Variants in MANBA observed in about 807,000 individuals in gnomAD.
MANBA encodes mannosidase beta, also known as beta-mannosidase.
A neutral mutation model predicts 111.1 loss-of-function variants in MANBA; 83 were observed. The ratio of observed to expected loss-of-function variants is 0.75; its 90% CI spans 0.63 to 0.90. The LOEUF is 0.90. Ranked by LOEUF, MANBA falls within the 40% of genes least tolerant of loss-of-function variation. The pLI, the probability that MANBA is intolerant of heterozygous loss-of-function variation, is 0.00. For synonymous variants in MANBA, 370 were observed against 378.7 expected (o/e 0.98, Z 0.27); for missense variants, 1,036 against 1,069.0 (o/e 0.97, Z 0.43).
intron 11 of MANBA, among the ~76,000 whole-genome samples, chr4:102,658,152 G>C (rs1329743481): frequency 1.3e-5 from 2 of 152,136 alleles, no homozygotes; most frequent in Non-Finnish European, 2.9e-5. Flanking sequence ...TTTCAATCAT[G>C]TTTTGCCTCC....
chr4:102,709,400 A>G (rs928450151), intron 5 of MANBA, among the ~76,000 whole-genome samples: 1 of 98,572 alleles, frequency 1.0e-5, no homozygotes, highest in African/African-American at 3.4e-5. Context: ...GAAAGAAAGA[A>G]AAAAAAGAAA....
rs1164983686 is a variant in MANBA, at chr4:102,632,196, C to G, written c.2501G>C (p.Ser834Thr). The G allele has an allele frequency of 6.2e-7, 1 of 1,613,134 alleles. No individual in the cohort carries two copies. Among genetic ancestry groups the G allele is most frequent in the East Asian group, 2.2e-5 (1 of 44,884 alleles). The part of the protein sequence containing the change: ...VAPFVWLDVG[S>T]IPGRFSDNGF... ...ATTGTCACTAAATCTCCCTGGGATGCTTCCTACATCCAACCAAACAAAGGG... is the reference window on the plus strand; with the variant it reads ...ATTGTCACTAAATCTCCCTGGGATGGTTCCTACATCCAACCAAACAAAGGG... The change falls in exon 17 of 17, where the codon AGC becomes ACC. Residue 834 changes from serine (S) to threonine (T), a missense_variant. Coordinates refer to ENST00000647097, the MANE Select transcript of MANBA (RefSeq NM_005908.4).
At chr4:102,678,897 G>A (rs1234128097) in intron 7 of MANBA, among the ~76,000 whole-genome samples, 2 of 152,178 alleles carry the variant, frequency 1.3e-5, no homozygotes, top group African/African-American at 4.8e-5. Flanking sequence ...ACCCAAGGCT[G>A]CTTCTCAGCT....
At chr4:102,707,061 T>C (rs1004634024) in intron 5 of MANBA, among the ~76,000 whole-genome samples, 12 of 152,170 alleles carry the variant, frequency 7.9e-5, no homozygotes, top group African/African-American at 2.4e-4. Flanking sequence ...ATTTAATATC[T>C]AGATAAAAAA....
intron 1 of MANBA, among the ~76,000 whole-genome samples, chr4:102,754,423 T>C (rs991619490): frequency 1.3e-5 from 2 of 152,170 alleles, no homozygotes; most frequent in Non-Finnish European, 2.9e-5. Flanking sequence ...AAGTAACAGA[T>C]TATAACTGAT....
chr4:102,669,009 G>C lies in MANBA; in HGVS notation c.1271C>G (p.Thr424Ser), dbSNP rs771979420. 4 of 1,613,664 alleles carry C rather than the reference G, an allele frequency of 2.5e-6. No homozygotes were observed. In the African/African-American group the frequency reaches 4.0e-5, roughly 16 times the overall value. ...DFMFACALYPTDQGFLDSVTA... is the reference protein window; with the variant it reads ...DFMFACALYPSDQGFLDSVTA... ...CACTGAATCCAGGAAGCCCTGATCA[G>C]TTGGATAAAGGGCACAGGCAAACAT... is the stretch of plus-strand genomic sequence containing the variant. Residue 424 changes from threonine (T) to serine (S), a missense_variant, in exon 10 of 17, where the codon ACT (threonine) becomes AGT (serine). Physicochemically the swap from Thr to Ser is moderately conservative, Grantham distance 58. Transcript: ENST00000647097.
chr4:102,638,702 C>T lies in MANBA; in HGVS notation c.2014+1011G>A, dbSNP rs190736698. The stretch of plus-strand genomic sequence containing the variant: ...CAGAAGGATTTTCCCCCCAATTCTA[C>T]CCCTGATTCTCATTCAATGCTCTCT... On this transcript the variant is annotated intron_variant, in intron 14 of 16. Transcript: ENST00000647097. 3.3e-5 allele frequency among the ~76,000 whole-genome samples: 5 copies of T among 152,286 alleles called. No homozygotes were observed. In the East Asian group the frequency reaches 9.7e-4, roughly 29 times the overall value.
intron 9 of MANBA, among the ~76,000 whole-genome samples, chr4:102,670,154 C>CAAAAAAAAAAA (rs70937560): frequency 6.5e-5 from 7 of 107,960 alleles, no homozygotes; most frequent in African/African-American, 2.5e-4. Flanking sequence ...GACTCCATAT[C>CAAAAAAAAAAA]AAAAAAAAAA....
chr4:102,742,757 T>C lies in MANBA; in HGVS notation c.178-16074A>G, dbSNP rs181469535. On this transcript the variant is annotated intron_variant, in intron 1 of 16. Coordinates refer to ENST00000647097, the MANE Select transcript of MANBA (RefSeq NM_005908.4). Reference sequence around the variant, plus strand: ...TGCGTGCAGGATAGGCAAACCCATATCCAGAGTAAGTGTCCATTCCAGTGA... The same window carrying C: ...TGCGTGCAGGATAGGCAAACCCATACCCAGAGTAAGTGTCCATTCCAGTGA... Among the ~76,000 whole-genome samples, 206 of 152,280 alleles carry C rather than the reference T, an allele frequency of 1.4e-3. No homozygotes were observed. In the Middle Eastern group the frequency reaches 0.017, roughly 13 times the overall value.
intron 7 of MANBA, among the ~76,000 whole-genome samples, chr4:102,675,254 A>G (rs1212885526): frequency 6.6e-6 from 1 of 152,120 alleles, no homozygotes; most frequent in Non-Finnish European, 1.5e-5. Flanking sequence ...CTAAAACATT[A>G]TTTGCCTTTA....
chr4:102,687,368 C>T (rs927137353), intron 7 of MANBA, among the ~76,000 whole-genome samples: 1 of 152,166 alleles, frequency 6.6e-6, no homozygotes, highest in African/African-American at 2.4e-5. Flanking sequence ...TCCTTACCCC[C>T]TCCTTAAAAT....
At chr4:102,695,314 G>A (rs1341539333) in intron 5 of MANBA, among the ~76,000 whole-genome samples, 1 of 151,992 alleles carries the variant, frequency 6.6e-6, no homozygotes, top group Admixed American at 6.6e-5. Flanking sequence ...AGGAGAAAAA[G>A]GTATAAGGAG....
chr4:102,689,514 T>C (rs1010162284), intron 7 of MANBA, 60 bp downstream of exon 7: 1 of 1,077,498 alleles, frequency 9.3e-7, no homozygotes, highest in Non-Finnish European at 1.4e-6. Context: ...TGAAGATCTG[T>C]ATTACTATTT....
At chr4:102,756,797 TAAAA>T (rs35787338) in intron 1 of MANBA, among the ~76,000 whole-genome samples, 2 of 72,006 alleles carry the variant, frequency 2.8e-5, no homozygotes, top group Admixed American at 1.6e-4. Flanking sequence ...AGAGACTATC[TAAAA>T]AAAAAAAAAA....
intron 1 of MANBA, among the ~76,000 whole-genome samples, chr4:102,760,358 A>G (rs1201923577): frequency 6.6e-6 from 1 of 152,186 alleles, no homozygotes; most frequent in Non-Finnish European, 1.5e-5. Context: ...TGGCGTGCAG[A>G]CAGTAGAGAC....
intron 5 of MANBA, among the ~76,000 whole-genome samples, chr4:102,698,961 T>C (rs2110254416): frequency 6.6e-6 from 1 of 152,368 alleles, no homozygotes; most frequent in African/African-American, 2.4e-5. Context: ...ATGGCCATTT[T>C]CACAATATTG....
At chr4:102,747,139 A>T (rs1723617209) in intron 1 of MANBA, among the ~76,000 whole-genome samples, 1 of 151,538 alleles carries the variant, frequency 6.6e-6, no homozygotes, top group Non-Finnish European at 1.5e-5. Context: ...AGGGTTCTCT[A>T]GAGGGACAGA....
At chr4:102,686,296 C>T (rs1316540590) in intron 7 of MANBA, among the ~76,000 whole-genome samples, 1 of 152,134 alleles carries the variant, frequency 6.6e-6, no homozygotes, top group Admixed American at 6.5e-5. Flanking sequence ...ACTATTAGCT[C>T]CAATTTGAAT....
intron 5 of MANBA, among the ~76,000 whole-genome samples, chr4:102,708,975 T>A (rs888438389): frequency 2.0e-5 from 3 of 151,728 alleles, no homozygotes; most frequent in Admixed American, 6.6e-5. Flanking sequence ...CTGAAAAACA[T>A]AGAGAAAATA....
Sources: allele counts gnomAD v4.1 joint callset (sites outside exome capture counted in the v4.1 genomes callset), GRCh38; gene constraint gnomAD v4.1.1; transcripts MANE v1.5; gene names NCBI Gene and HGNC (gene_info 2026-07-23, HGNC 2026-07-21).